The following PADI3 variants were observed in gnomAD, a reference collection of about 807,000 sequenced individuals.
The protein encoded by PADI3 is protein-arginine deiminase type-3.
PADI3 carries 53 observed loss-of-function variants against 71.5 expected under a neutral mutation model. The observed-to-expected ratio is 0.74, with a 90% CI of 0.59 to 0.93. PADI3 has a LOEUF of 0.93. PADI3 is among the 40% of genes least tolerant of loss of function. The probability of loss-of-function intolerance (pLI) is 0.00; values close to 1 mark genes in which losing one functional copy is unlikely to be tolerated. For missense variants in PADI3, 821 were observed against 868.0 expected, an observed-to-expected ratio of 0.95 and a Z score of 0.68; for synonymous variants, 361 against 347.5, an observed-to-expected ratio of 1.04 and a Z score of -0.43.
At chr1:17,266,164 A>T (rs1038088338) in intron 4 of PADI3, among the ~76,000 whole-genome samples, 8 of 152,228 alleles carry the variant, frequency 5.3e-5, no homozygotes, top group Non-Finnish European at 7.3e-5. Context: ...AGTAGGCCAG[A>T]TTTGGCCCAC....
intron 9 of PADI3, among the ~76,000 whole-genome samples, chr1:17,273,083 G>T (rs1483028451): frequency 4.6e-5 from 7 of 152,098 alleles, no homozygotes; most frequent in African/African-American, 1.7e-4. Context: ...CACCCCCAAG[G>T]TCATGTCCAT....
chr1:17,263,575 A>G (rs1389335591), intron 3 of PADI3, among the ~76,000 whole-genome samples: 1 of 152,240 alleles, frequency 6.6e-6, no homozygotes, highest in Non-Finnish European at 1.5e-5. Flanking sequence ...GTACCCTCAA[A>G]ATAGTAAAGA....
chr1:17,266,871 A>G (rs776041376), intron 5 of PADI3, 35 bp downstream of exon 5: 5 of 1,499,718 alleles, frequency 3.3e-6, no homozygotes, highest in African/African-American at 1.4e-5. Flanking sequence ...CTGGGTGTCC[A>G]GGGTCACTGC....
chr1:17,277,234 G>A (rs2073346494), intron 13 of PADI3, among the ~76,000 whole-genome samples: 1 of 149,914 alleles, frequency 6.7e-6, no homozygotes, highest in Non-Finnish European at 1.5e-5. Flanking sequence ...CACTCTTGTT[G>A]CCCAGGCTGG....
intron 9 of PADI3, among the ~76,000 whole-genome samples, chr1:17,271,390 G>T (rs1370895878): frequency 6.6e-6 from 1 of 152,204 alleles, no homozygotes; most frequent in Admixed American, 6.5e-5. Flanking sequence ...CACCGGATCT[G>T]GGCTAGGCAC....
chr1:17,265,024 A>C (rs1178712816), intron 3 of PADI3, among the ~76,000 whole-genome samples: 1 of 151,104 alleles, frequency 6.6e-6, no homozygotes, highest in African/African-American at 2.4e-5. Context: ...AAAAAAAAAA[A>C]TCCTATCTAA....
At chr1:17,271,479 C>G (rs1362588423) in intron 9 of PADI3, among the ~76,000 whole-genome samples, 5 of 152,188 alleles carry the variant, frequency 3.3e-5, no homozygotes, top group Non-Finnish European at 1.5e-5. Flanking sequence ...TGGTTCTCAT[C>G]AAGAGGCGAT....
chr1:17,280,964 G>A (rs1023978797), intron 15 of PADI3, among the ~76,000 whole-genome samples, 168 bp downstream of exon 15: 1 of 152,220 alleles, frequency 6.6e-6, no homozygotes, highest in Non-Finnish European at 1.5e-5. Context: ...CTAGCTGGCT[G>A]ACCACCATGG....
chr1:17,281,401 G>A (rs1007492374), intron 15 of PADI3, among the ~76,000 whole-genome samples: 1 of 152,094 alleles, frequency 6.6e-6, no homozygotes, highest in Admixed American at 6.6e-5. Context: ...TTTTGACTGA[G>A]CCTTGAGGGC....
In PADI3 at chr1:17,271,860, G is replaced by A. The variant is rs900581394; in HGVS notation, c.1047+682G>A. Among the ~76,000 whole-genome samples the A allele has an allele frequency of 1.8e-3, 235 of 128,634 alleles. 1 individual carries two copies. Among genetic ancestry groups the A allele is most frequent in the Middle Eastern group, 4.0e-3 (1 of 248 alleles). The allele number at this position is 128,634 out of a possible 152,430, so 84.4% of individuals were successfully genotyped here. On this transcript the variant is annotated intron_variant, in intron 9 of 15. Coordinates refer to ENST00000375460, the MANE Select transcript of PADI3 (RefSeq NM_016233.2). ...ACAAAAAAAAAAAAAAAAAAAGAGAGAGAGAGAGAGAGAAAAAGAAATATC... is the reference window on the plus strand; with the variant it reads ...ACAAAAAAAAAAAAAAAAAAAGAGAAAGAGAGAGAGAGAAAAAGAAATATC...
intron 13 of PADI3, among the ~76,000 whole-genome samples, chr1:17,278,588 G>A (rs1176270783): frequency 6.6e-6 from 1 of 151,966 alleles, no homozygotes; most frequent in Non-Finnish European, 1.5e-5. Flanking sequence ...GAGAGAGAGA[G>A]AGCTGGCTGG....
At position 17,266,748 on chromosome 1, in the gene PADI3, T is replaced by G; in HGVS notation, c.438T>G (p.Tyr146Ter). ...AGTGGGTCTGGGGGCCCAGTGGGTA[T>G]GGCGGCATCTTGCTGGTGAACTGTG... ...KRQWVWGPSG[Y>*]GGILLVNCDR... Residue 146 changes from tyrosine to a stop codon, truncating the protein, a stop_gained, in exon 5 of 16, where the codon TAT becomes TAG. Coordinates refer to ENST00000375460, the MANE Select transcript of PADI3 (RefSeq NM_016233.2). LOFTEE classifies it high-confidence loss of function. 6.2e-7 allele frequency: 1 copy of G among 1,614,174 alleles called. No homozygotes were observed. Among genetic ancestry groups the G allele is most frequent in the South Asian group, 1.1e-5 (1 of 91,082 alleles).
chr1:17,254,685 C>T (rs2073006533), intron 1 of PADI3, among the ~76,000 whole-genome samples: 1 of 151,484 alleles, frequency 6.6e-6, no homozygotes, highest in South Asian at 2.1e-4. Context: ...ACTGAGTCAA[C>T]TCTACACGGG....
intron 15 of PADI3, among the ~76,000 whole-genome samples, chr1:17,281,522 GCAACCT>G (rs1265117061): frequency 1.3e-5 from 2 of 149,236 alleles, no homozygotes; most frequent in Non-Finnish European, 3.0e-5. Context: ...CTCACTCACT[GCAACCT>G]CAGCCTCCAG....
At chr1:17,263,393 G>A (rs2073126355) in intron 3 of PADI3, among the ~76,000 whole-genome samples, 2 of 152,056 alleles carry the variant, frequency 1.3e-5, no homozygotes, top group South Asian at 4.1e-4. Context: ...TTGGTATAGA[G>A]CAATAGAGCA....
At chr1:17,263,884 T>G (rs2073131965) in intron 3 of PADI3, among the ~76,000 whole-genome samples, 2 of 152,180 alleles carry the variant, frequency 1.3e-5, no homozygotes, top group South Asian at 4.1e-4. Flanking sequence ...AAATGAGCAT[T>G]GCCAAGGTTG....
intron 3 of PADI3, 114 bp from the exon 4 acceptor site, chr1:17,265,545 G>A (rs2073156518): frequency 2.2e-6 from 2 of 896,424 alleles, no homozygotes; most frequent in South Asian, 2.8e-5. Context: ...CTCTTGGATG[G>A]TGTCTCCTTA....
At chr1:17,261,202 T>A (rs16824578) in intron 2 of PADI3, among the ~76,000 whole-genome samples, 3,832 of 151,668 alleles carry the variant, frequency 0.025, 157 homozygotes, top group African/African-American at 0.087. Flanking sequence ...AAGGGGAGGG[T>A]CATGCTTTAA....
chr1:17,271,950 C>T (rs2073260292), intron 9 of PADI3, among the ~76,000 whole-genome samples: 1 of 151,944 alleles, frequency 6.6e-6, no homozygotes, highest in South Asian at 2.1e-4. Context: ...TCACCTCTGC[C>T]CAGGGAATCA....
Sources: allele counts gnomAD v4.1 joint callset (sites outside exome capture counted in the v4.1 genomes callset), GRCh38; gene constraint gnomAD v4.1.1; transcripts MANE v1.5; gene names NCBI Gene and HGNC (gene_info 2026-07-23, HGNC 2026-07-21).